The following SIAH2 variants were observed in gnomAD, a reference collection of about 807,000 sequenced individuals.
SIAH2 encodes E3 ubiquitin-protein ligase SIAH2.
In SIAH2, 4 loss-of-function variants were observed where a neutral mutation model predicts 20.4. That is an observed-to-expected ratio of 0.20 (90% CI 0.10 to 0.45). The LOEUF is 0.45. SIAH2 is among the 20% of genes least tolerant of loss of function. The pLI is 0.99. For synonymous variants in SIAH2, 171 were observed against 192.5 expected (o/e 0.89, Z 0.93); for missense variants, 259 against 440.3 (o/e 0.59, Z 3.69).
chr3:150,754,414 A>T (rs1191114903), intron 1 of SIAH2, among the ~76,000 whole-genome samples: 1 of 152,194 alleles, frequency 6.6e-6, no homozygotes, highest in African/African-American at 2.4e-5. Flanking sequence ...TCATGAGAAC[A>T]GCACCAAGAG....
At chr3:150,746,308 A>C (rs1714211498) in intron 1 of SIAH2, among the ~76,000 whole-genome samples, 1 of 152,140 alleles carries the variant, frequency 6.6e-6, no homozygotes, top group Non-Finnish European at 1.5e-5. Context: ...AGACAGGAGA[A>C]TAACTTGAAC....
rs562689470 is a variant in SIAH2, at chr3:150,762,242, T to C, written c.417+191A>G. ...CTGTTAATTGTCTATTAACAATTATTACTCGGTAAATGTCAACCCAGACCT... is the reference window on the plus strand; with the variant it reads ...CTGTTAATTGTCTATTAACAATTATCACTCGGTAAATGTCAACCCAGACCT... On this transcript the variant is annotated intron_variant, in intron 1 of 1. Coordinates refer to ENST00000312960, the MANE Select transcript of SIAH2 (RefSeq NM_005067.7). The surrounding 1 kb of genome is among the most constrained non-coding windows in gnomAD (Gnocchi z 6.6). 1.5e-5 allele frequency: 17 copies of C among 1,149,040 alleles called. No individual in the cohort carries two copies. In the Admixed American group the frequency reaches 4.4e-4, roughly 30 times the overall value. 71.2% of individuals were successfully genotyped at this position (1,149,040 alleles called of 1,614,324 possible).
chr3:150,753,095 C>T (rs1714405996), intron 1 of SIAH2, among the ~76,000 whole-genome samples: 1 of 152,238 alleles, frequency 6.6e-6, no homozygotes, highest in Non-Finnish European at 1.5e-5. Flanking sequence ...GCACCTTCAA[C>T]ATGCAGCTGG....
chr3:150,742,169 T>C lies in SIAH2; in HGVS notation c.947A>G (p.Asn316Ser), dbSNP rs753923640. Residue 316 changes from asparagine (N) to serine (S), a missense_variant, in exon 2 of 2, where the codon AAT becomes AGT. By Grantham distance (46) the Asn-to-Ser change is conservative. Coordinates refer to ENST00000312960, the MANE Select transcript of SIAH2 (RefSeq NM_005067.7). This position sits in a 1 kb window ranked among gnomAD's most constrained non-coding sequence, Gnocchi z 4.8. ...LFADNGNLGI[N>S]VTISTCCP ...TGGACAACATGTAGAAATAGTAACATTGATTCCAAGGTTCCCATTATCTGC... is the reference window on the plus strand; with the variant it reads ...TGGACAACATGTAGAAATAGTAACACTGATTCCAAGGTTCCCATTATCTGC... 1.2e-6 allele frequency: 2 copies of C among 1,613,356 alleles called. No homozygotes were observed. Among genetic ancestry groups the C allele is most frequent in the Non-Finnish European group, 1.7e-6 (2 of 1,179,396 alleles).
At chr3:150,749,415 G>A (rs985194713) in intron 1 of SIAH2, among the ~76,000 whole-genome samples, 1 of 152,096 alleles carries the variant, frequency 6.6e-6, no homozygotes, top group Non-Finnish European at 1.5e-5. Flanking sequence ...AAAGGTGAGA[G>A]GATTGCTTGA....
chr3:150,750,124 T>G (rs554341587), intron 1 of SIAH2, among the ~76,000 whole-genome samples: 49 of 152,354 alleles, frequency 3.2e-4, no homozygotes, highest in African/African-American at 1.1e-3. Context: ...AAGCCTAGTA[T>G]AGATCCACAT....
intron 1 of SIAH2, among the ~76,000 whole-genome samples, chr3:150,759,138 TC>T (rs1329743273): frequency 1.3e-5 from 2 of 152,126 alleles, no homozygotes; most frequent in Non-Finnish European, 2.9e-5. Context: ...CACCTCTGCC[TC>T]CCAAAGTGCT....
chr3:150,754,243 C>T (rs946175639), intron 1 of SIAH2, among the ~76,000 whole-genome samples: 1 of 152,168 alleles, frequency 6.6e-6, no homozygotes, highest in Non-Finnish European at 1.5e-5. Context: ...GCAAGCTGTA[C>T]AGGAAGCATA....
At chr3:150,753,272 G>A (rs986873202) in intron 1 of SIAH2, among the ~76,000 whole-genome samples, 8 of 152,234 alleles carry the variant, frequency 5.3e-5, no homozygotes, top group Non-Finnish European at 8.8e-5. Context: ...TTGTGGGAAG[G>A]AGAGGGCCTG....
chr3:150,762,931 C>G lies in SIAH2; in HGVS notation c.-82G>C. On this transcript the variant is annotated 5_prime_UTR_variant, in exon 1 of 2. Coordinates refer to ENST00000312960, the MANE Select transcript of SIAH2 (RefSeq NM_005067.7). This position sits in a 1 kb window ranked among gnomAD's most constrained non-coding sequence, Gnocchi z 6.6. The stretch of plus-strand genomic sequence containing the variant: ...GTCAAGGCGGTGCGCGCCCCGCGGG[C>G]AGCGAGCTCCGAGGCAACGCCACGG... The G allele has an allele frequency of 9.0e-7, 1 of 1,112,154 alleles. No homozygotes were observed. The highest frequency in any genetic ancestry group is 1.1e-6 in the Non-Finnish European group (1 of 904,060). The allele number at this position is 1,112,154 out of a possible 1,614,324, so 68.9% of individuals were successfully genotyped here. A position where few individuals can be genotyped will look rare whatever the true frequency, so the allele number is the denominator to read the frequency against.
chr3:150,753,844 C>T (rs909371299), intron 1 of SIAH2, among the ~76,000 whole-genome samples: 2 of 152,038 alleles, frequency 1.3e-5, no homozygotes, highest in Admixed American at 1.3e-4. Context: ...TACCCTTGGG[C>T]TCTACCATCC....
At chr3:150,761,006 C>G (rs527547442) in intron 1 of SIAH2, among the ~76,000 whole-genome samples, 3 of 152,224 alleles carry the variant, frequency 2.0e-5, no homozygotes, top group Non-Finnish European at 4.4e-5. Context: ...GATTCAAACT[C>G]TTATTTAAAT....
At chr3:150,749,941 G>C (rs932452773) in intron 1 of SIAH2, among the ~76,000 whole-genome samples, 1 of 152,184 alleles carries the variant, frequency 6.6e-6, no homozygotes, top group African/African-American at 2.4e-5. Flanking sequence ...CCATTTGAAA[G>C]ATGAGCTCCA....
At chr3:150,745,501 C>CTT (rs528343423) in intron 1 of SIAH2, among the ~76,000 whole-genome samples, 5 of 144,780 alleles carry the variant, frequency 3.5e-5, no homozygotes, top group African/African-American at 7.5e-5. Flanking sequence ...GTTTTCTTTT[C>CTT]TTTTTTTTTT....
At position 150,762,329 on chromosome 3, in the gene SIAH2, T is replaced by A; in HGVS notation, c.417+104A>T. On this transcript the variant is annotated intron_variant, in intron 1 of 1. Transcript: ENST00000312960. The surrounding 1 kb of genome is among the most constrained non-coding windows in gnomAD (Gnocchi z 6.6). The stretch of plus-strand genomic sequence containing the variant: ...GTAAACATTTTTTCTTTTTTTTTTT[T>A]AAATGAGAGATGCCGCCCGCCTCTC... 8 of 1,478,870 alleles carry A rather than the reference T, an allele frequency of 5.4e-6. No homozygotes were observed. Among genetic ancestry groups the A allele is most frequent in the East Asian group, 2.5e-5 (1 of 39,898 alleles). 91.6% of individuals were successfully genotyped at this position (1,478,870 alleles called of 1,614,324 possible).
chr3:150,758,032 T>C (rs1257841965), intron 1 of SIAH2, among the ~76,000 whole-genome samples: 1 of 152,054 alleles, frequency 6.6e-6, no homozygotes, highest in Non-Finnish European at 1.5e-5. Context: ...AATACTTCTC[T>C]CCTCTCCTCT....
intron 1 of SIAH2, among the ~76,000 whole-genome samples, chr3:150,752,694 C>A (rs952141083): frequency 6.6e-6 from 1 of 152,206 alleles, no homozygotes; most frequent in Admixed American, 6.5e-5. Context: ...CTTCTCCGGC[C>A]CCGCAAGTTA....
In SIAH2 at chr3:150,763,065, C is replaced by G. The variant is rs1345149321; in HGVS notation, c.-216G>C. ...CGGCGTTCCGAGCACGCCTCCGCGT[C>G]GGACCCCGCGCGGTGCCCTCCTCCC... is the stretch of plus-strand genomic sequence containing the variant. On this transcript the variant is annotated 5_prime_UTR_variant, in exon 1 of 2. Transcript: ENST00000312960. The surrounding 1 kb of genome is among the most constrained non-coding windows in gnomAD (Gnocchi z 4.1). 1 of 319,236 alleles carries G rather than the reference C, an allele frequency of 3.1e-6. No homozygotes were observed. Among genetic ancestry groups the G allele is most frequent in the African/African-American group, 2.2e-5 (1 of 44,550 alleles). 19.8% of individuals were successfully genotyped at this position (319,236 alleles called of 1,614,324 possible).
At chr3:150,757,567 G>A (rs1159858763) in intron 1 of SIAH2, among the ~76,000 whole-genome samples, 3 of 152,108 alleles carry the variant, frequency 2.0e-5, no homozygotes, top group African/African-American at 4.8e-5. Context: ...TCAGATCAGA[G>A]GCTGCATGCT....
Sources: gnomAD v4.1 joint callset for allele counts (sites outside exome capture counted in the v4.1 genomes callset) on GRCh38, gnomAD v4.1.1 for gene constraint, Gnocchi (gnomAD v3.1) non-coding constraint, MANE v1.5 for transcripts, NCBI Gene and HGNC (gene_info 2026-07-23, HGNC 2026-07-21) for gene names.